The following ADAM18 variants were observed in gnomAD, a reference collection of about 807,000 sequenced individuals.
ADAM18 encodes the protein disintegrin and metalloproteinase domain-containing protein 18.
Under a neutral mutation model 94.4 loss-of-function variants are expected in ADAM18, and 117 were observed. The observed-to-expected ratio is 1.24, with a 90% CI of 1.07 to 1.45. The LOEUF (loss-of-function observed/expected upper bound fraction) is 1.45, where lower values mean the gene tolerates loss of function less well. Ranked by LOEUF, ADAM18 falls within the 40% of genes most tolerant of loss-of-function variation. The pLI is 0.00. For synonymous variants in ADAM18, 327 were observed against 291.6 expected (o/e 1.12, Z -1.24); for missense variants, 936 against 880.0 (o/e 1.06, Z -0.81).
At chr8:39,718,006 G>A (rs1822627025) in intron 18 of ADAM18, among the ~76,000 whole-genome samples, 1 of 151,430 alleles carries the variant, frequency 6.6e-6, no homozygotes, top group South Asian at 2.1e-4. Flanking sequence ...AATCATCAAG[G>A]AAATAAAAAT....
In ADAM18 at chr8:39,730,054, C is replaced by T. The variant is rs1461775855; in HGVS notation, c.*114C>T. 8 of 1,031,266 alleles carry T rather than the reference C, an allele frequency of 7.8e-6. No homozygotes were observed. Among genetic ancestry groups the T allele is most frequent in the Admixed American group, 3.7e-5 (2 of 54,188 alleles). 63.9% of individuals were successfully genotyped at this position (1,031,266 alleles called of 1,614,324 possible). A position where few individuals can be genotyped will look rare whatever the true frequency, so the allele number is the denominator to read the frequency against. The stretch of plus-strand genomic sequence containing the variant: ...TCAAACTTTTGGAAAATAAAGCCTG[C>T]GTGCCCTCCCATGTGCCTCCTCCAG... On this transcript the variant is annotated 3_prime_UTR_variant, in exon 20 of 20. Coordinates refer to ENST00000265707, the MANE Select transcript of ADAM18 (RefSeq NM_014237.3).
chr8:39,627,229 G>A (rs1224913626), intron 6 of ADAM18, among the ~76,000 whole-genome samples: 1 of 152,120 alleles, frequency 6.6e-6, no homozygotes, highest in Non-Finnish European at 1.5e-5. Context: ...GCTCCACATG[G>A]CTGGGGAGAC....
intron 17 of ADAM18, among the ~76,000 whole-genome samples, chr8:39,696,487 G>A (rs1821932186): frequency 6.6e-6 from 1 of 151,298 alleles, no homozygotes; most frequent in Non-Finnish European, 1.5e-5. Context: ...TTATCTCTAA[G>A]AGCTTTAACT....
chr8:39,699,443 T>A (rs897978476), intron 17 of ADAM18, among the ~76,000 whole-genome samples: 19 of 152,126 alleles, frequency 1.2e-4, no homozygotes, highest in African/African-American at 4.6e-4. Context: ...GTGAATTTCC[T>A]AAAGCTGAAT....
intron 2 of ADAM18, among the ~76,000 whole-genome samples, chr8:39,587,234 C>T (rs1046819848): frequency 1.3e-5 from 2 of 152,148 alleles, no homozygotes; most frequent in African/African-American, 4.8e-5. Flanking sequence ...GCTAAGAATG[C>T]TGAACATGAG....
chr8:39,636,095 C>T (rs373875283), intron 7 of ADAM18, among the ~76,000 whole-genome samples: 14 of 151,270 alleles, frequency 9.3e-5, no homozygotes, highest in Admixed American at 4.0e-4. Context: ...CATAGCTCAC[C>T]GCAATCTCGA....
chr8:39,679,188 G>A (rs1343605699), intron 15 of ADAM18, among the ~76,000 whole-genome samples: 2 of 152,088 alleles, frequency 1.3e-5, no homozygotes, highest in East Asian at 1.9e-4. Context: ...AGCCTCAAAT[G>A]ATTCTTTTAG....
At chr8:39,589,909 G>A (rs1168167569) in intron 2 of ADAM18, among the ~76,000 whole-genome samples, 8 of 150,134 alleles carry the variant, frequency 5.3e-5, no homozygotes, top group Admixed American at 6.7e-5. Flanking sequence ...CAGTTAGAAT[G>A]GCAGTCATTA....
intron 16 of ADAM18, among the ~76,000 whole-genome samples, chr8:39,688,795 C>G (rs1383167094): frequency 2.0e-5 from 3 of 152,150 alleles, no homozygotes; most frequent in South Asian, 2.1e-4. Context: ...ACGTTGTCTT[C>G]CACAATGATT....
chr8:39,659,874 C>T (rs1253955571), intron 12 of ADAM18, among the ~76,000 whole-genome samples: 1 of 151,818 alleles, frequency 6.6e-6, no homozygotes, highest in Non-Finnish European at 1.5e-5. Flanking sequence ...ACGTGTATTC[C>T]CACAACATAA....
chr8:39,610,173 A>G (rs73605943), intron 5 of ADAM18, among the ~76,000 whole-genome samples: 5,424 of 152,234 alleles, frequency 0.036, 246 homozygotes, highest in African/African-American at 0.11. Context: ...CATTAGATAT[A>G]TAGTCTACAT....
At chr8:39,655,050 A>G (rs1306599017) in intron 12 of ADAM18, among the ~76,000 whole-genome samples, 1 of 151,976 alleles carries the variant, frequency 6.6e-6, no homozygotes, top group Admixed American at 6.6e-5. Flanking sequence ...ATGTAATCCC[A>G]TCCATTTTTA....
intron 18 of ADAM18, among the ~76,000 whole-genome samples, chr8:39,720,226 T>A (rs954788545): frequency 2.0e-5 from 3 of 151,552 alleles, no homozygotes; most frequent in African/African-American, 7.2e-5. Flanking sequence ...ACAGTCTTGT[T>A]CTATTTATAT....
intron 12 of ADAM18, among the ~76,000 whole-genome samples, chr8:39,663,260 T>G (rs1000553438): frequency 1.3e-5 from 2 of 151,874 alleles, no homozygotes; most frequent in African/African-American, 4.8e-5. Flanking sequence ...TTTCTGCAGT[T>G]CTTACACTTG....
At chr8:39,608,870 A>T (rs918482330) in intron 3 of ADAM18, among the ~76,000 whole-genome samples, 172 bp from the exon 4 acceptor site, 1 of 152,170 alleles carries the variant, frequency 6.6e-6, no homozygotes, top group African/African-American at 2.4e-5. Flanking sequence ...AAACTCTTTG[A>T]TTCACCAGTT....
chr8:39,616,842 C>T (rs760022555), intron 6 of ADAM18, among the ~76,000 whole-genome samples: 3 of 152,146 alleles, frequency 2.0e-5, no homozygotes, highest in African/African-American at 4.8e-5. Flanking sequence ...GAACCCCTTC[C>T]TTTCACAATA....
At chr8:39,715,097 A>C (rs1298527431) in intron 18 of ADAM18, among the ~76,000 whole-genome samples, 1 of 152,122 alleles carries the variant, frequency 6.6e-6, no homozygotes, top group Non-Finnish European at 1.5e-5. Flanking sequence ...GTACCTTAAC[A>C]AGCCTAAGCA....
chr8:39,723,076 T>C (rs1239274495), intron 18 of ADAM18, among the ~76,000 whole-genome samples: 2 of 151,572 alleles, frequency 1.3e-5, no homozygotes, highest in Non-Finnish European at 3.0e-5. Flanking sequence ...AGTGGGTATG[T>C]GCATATTCAT....
intron 16 of ADAM18, among the ~76,000 whole-genome samples, chr8:39,686,566 A>G (rs1821610682): frequency 6.6e-6 from 1 of 152,168 alleles, no homozygotes; most frequent in African/African-American, 2.4e-5. Flanking sequence ...TTAGGTTTCA[A>G]CAGGTGAATT....
Sources: allele counts gnomAD v4.1 joint callset (sites outside exome capture counted in the v4.1 genomes callset), GRCh38; gene constraint gnomAD v4.1.1; transcripts MANE v1.5; gene names NCBI Gene and HGNC (gene_info 2026-07-23, HGNC 2026-07-21).